The following PTAR1 variants were observed in gnomAD, a reference collection of about 807,000 sequenced individuals.
PTAR1 encodes protein prenyltransferase alpha subunit repeat-containing protein 1.
A neutral mutation model predicts 45.5 loss-of-function variants in PTAR1; 17 were observed. The ratio of observed to expected loss-of-function variants is 0.37; its 90% confidence interval spans 0.26 to 0.56. The LOEUF is 0.56. Among genes scored for constraint, PTAR1 ranks in the 20% least tolerant of loss-of-function variants. The pLI, the probability that PTAR1 is intolerant of heterozygous loss-of-function variation, is 0.77. For missense variants in PTAR1, 391 were observed against 476.3 expected (o/e 0.82, Z 1.67); for synonymous variants, 169 against 171.3 (o/e 0.99, Z 0.11).
At chr9:69,741,998 C>T (rs1826064316) in intron 2 of PTAR1, 140 bp from the exon 3 acceptor site, 1 of 607,990 alleles carries the variant, frequency 1.6e-6, no homozygotes, top group South Asian at 2.1e-5. Context: ...ATGATAAATT[C>T]CCTCTTCTAA....
intron 3 of PTAR1, among the ~76,000 whole-genome samples, chr9:69,736,308 C>T (rs537370224): frequency 1.3e-5 from 2 of 152,102 alleles, no homozygotes; most frequent in African/African-American, 4.8e-5. Context: ...CCTGTAATCC[C>T]AGCACTTTGG....
chr9:69,753,438 C>T (rs1474890780), intron 1 of PTAR1, among the ~76,000 whole-genome samples: 1 of 152,122 alleles, frequency 6.6e-6, no homozygotes, highest in African/African-American at 2.4e-5. Flanking sequence ...AGAACATTAT[C>T]TCTGATTTTC....
intron 2 of PTAR1, among the ~76,000 whole-genome samples, chr9:69,747,365 C>T (rs1236585812): frequency 6.6e-6 from 1 of 152,184 alleles, no homozygotes; most frequent in East Asian, 1.9e-4. Context: ...CGTGCATGTG[C>T]TGGCAACCAC....
rs536778254 is a variant in PTAR1, at chr9:69,734,247, G to A, written c.331C>T (p.Leu111=). The change falls in exon 4 of 8, where the codon CTG becomes TTG. Residue 111 remains leucine (L), a synonymous_variant. Transcript: ENST00000340434. ...FTTAWNVRKE[L]ILSGTLNPIK... ...GGATTTAAAGTGCCAGAGAGGATCA[G>A]CTCTTTCCTGTAAAAAAAAAAAAAA... 1.4e-4 allele frequency: 73 copies of A among 524,034 alleles called. 1 individual carries two copies. Among genetic ancestry groups the A allele is most frequent in the South Asian group, 1.2e-3 (63 of 51,382 alleles). The allele number at this position is 524,034 out of a possible 1,614,324, so 32.5% of individuals were successfully genotyped here.
At chr9:69,735,014 C>T (rs891772548) in intron 3 of PTAR1, among the ~76,000 whole-genome samples, 7 of 152,128 alleles carry the variant, frequency 4.6e-5, no homozygotes, top group African/African-American at 1.7e-4. Flanking sequence ...GCAGGGGAAG[C>T]TTTGTGCTTA....
In PTAR1 at chr9:69,715,666, A is replaced by G. The variant is rs1824701560; in HGVS notation, c.*2676T>C. 1.3e-5 allele frequency: 2 copies of G among 152,160 alleles called. No individual in the cohort carries two copies. The highest frequency in any genetic ancestry group is 1.3e-4 in the Admixed American group (2 of 15,258). The allele number at this position is 152,160 out of a possible 1,614,324, so 9.4% of individuals were successfully genotyped here. The stretch of plus-strand genomic sequence containing the variant: ...TGTTATAGAAAAATAAGTGAAGACT[A>G]AAAGTCCCAGAAAACAGACACATCC... On this transcript the variant is annotated 3_prime_UTR_variant, in exon 8 of 8. Transcript: ENST00000340434.
chr9:69,747,490 A>G (rs1225016821), intron 2 of PTAR1, among the ~76,000 whole-genome samples: 7 of 152,218 alleles, frequency 4.6e-5, no homozygotes, highest in Non-Finnish European at 1.0e-4. Flanking sequence ...TGTAATGAAC[A>G]TATGTATCAA....
At position 69,717,941 on chromosome 9, in the gene PTAR1, T is replaced by G. The variant is rs1824794938; in HGVS notation, c.*401A>C. On this transcript the variant is annotated 3_prime_UTR_variant, in exon 8 of 8. Coordinates refer to ENST00000340434, the MANE Select transcript of PTAR1 (RefSeq NM_001099666.2). ...GTGGCCCAGGTTGGTCTCAAAGTCCTGGGCTCAGGCAATCCTCCTGCCTAG... is the reference window on the plus strand; with the variant it reads ...GTGGCCCAGGTTGGTCTCAAAGTCCGGGGCTCAGGCAATCCTCCTGCCTAG... The G allele has an allele frequency of 6.4e-6, 1 of 156,652 alleles. No individual in the cohort carries two copies. The highest frequency in any genetic ancestry group is 1.4e-5 in the Non-Finnish European group (1 of 71,078). The allele number at this position is 156,652 out of a possible 1,614,324, so 9.7% of individuals were successfully genotyped here.
chr9:69,756,113 G>T (rs1471331175), intron 1 of PTAR1, among the ~76,000 whole-genome samples: 1 of 152,068 alleles, frequency 6.6e-6, no homozygotes, highest in Non-Finnish European at 1.5e-5. Flanking sequence ...GGTATAAGAA[G>T]CCCAGTAGAC....
At position 69,742,257 on chromosome 9, in the gene PTAR1, AT is replaced by A. The variant is rs148024561; in HGVS notation, c.257-400del. ...TGTGCGAATTTTCAAAAGGAAAAAA[AT>A]ATCACTCAGAATCCAACCCACTTAA... On this transcript the variant is annotated intron_variant, in intron 2 of 7. Coordinates refer to ENST00000340434, the MANE Select transcript of PTAR1 (RefSeq NM_001099666.2). 3.8e-3 allele frequency among the ~76,000 whole-genome samples: 574 copies of A among 152,244 alleles called. 3 individuals are homozygous for A. The highest frequency in any genetic ancestry group is 0.013 in the African/African-American group (547 of 41,562).
rs942890623 is a variant in PTAR1 at position 69,723,362 on chromosome 9, T to A, written c.911A>T (p.Asp304Val). ...EEVEFSTDLI[D>V]SYPGHETLWC... ...AAGGGTTTCATGTCCTGGGTAGGAATCAATAAGATCAGTGCTGAATTCAAC... is the reference window on the plus strand; with the variant it reads ...AAGGGTTTCATGTCCTGGGTAGGAAACAATAAGATCAGTGCTGAATTCAAC... The change falls in exon 6 of 8, where the codon GAT (aspartate) becomes GTT (valine). Residue 304 changes from aspartate to valine, a missense_variant. By Grantham distance (152) the Asp-to-Val change is radical. Transcript: ENST00000340434. The A allele has an allele frequency of 3.7e-5, 59 of 1,613,762 alleles. No homozygotes were observed. The highest frequency in any genetic ancestry group is 4.7e-5 in the Non-Finnish European group (56 of 1,179,814).
Position 69,711,234 on chromosome 9 carries a change from T to C in PTAR1, c.*7108A>G, listed in dbSNP as rs1422606416. On this transcript the variant is annotated 3_prime_UTR_variant, in exon 8 of 8. Transcript: ENST00000340434. Reference sequence around the variant, plus strand: ...ATATGCCAAAGTACAATACTGACAGTGGTCACCTCAGTCAGCAGCCAGCAT... The same window carrying C: ...ATATGCCAAAGTACAATACTGACAGCGGTCACCTCAGTCAGCAGCCAGCAT... 1 of 152,194 alleles carries C rather than the reference T, an allele frequency of 6.6e-6. No homozygotes were observed. Among genetic ancestry groups the C allele is most frequent in the African/African-American group, 2.4e-5 (1 of 41,448 alleles). 9.4% of individuals were successfully genotyped at this position (152,194 alleles called of 1,614,324 possible). A position where few individuals can be genotyped will look rare whatever the true frequency, so the allele number is the denominator to read the frequency against.
intron 1 of PTAR1, among the ~76,000 whole-genome samples, chr9:69,755,935 A>G (rs962213287): frequency 2.0e-5 from 3 of 152,172 alleles, no homozygotes; most frequent in African/African-American, 7.2e-5. Context: ...ATAATCTCAT[A>G]AAGTAGGAAT....
intron 5 of PTAR1, among the ~76,000 whole-genome samples, chr9:69,731,737 C>G (rs1825547537): frequency 6.6e-6 from 1 of 151,220 alleles, no homozygotes; most frequent in Non-Finnish European, 1.5e-5. Context: ...GCCCTCCTCT[C>G]CCCCTTTTCA....
At chr9:69,729,230 G>C (rs1047224775) in intron 5 of PTAR1, among the ~76,000 whole-genome samples, 1 of 152,264 alleles carries the variant, frequency 6.6e-6, no homozygotes, top group Admixed American at 6.5e-5. Context: ...TGAGGCAGGA[G>C]AATCGCTTGA....
intron 2 of PTAR1, among the ~76,000 whole-genome samples, chr9:69,742,233 G>A (rs1826073806): frequency 6.6e-6 from 1 of 152,058 alleles, no homozygotes; most frequent in South Asian, 2.1e-4. Context: ...TTGACGGTGT[G>A]TGCGAATTTT....
chr9:69,732,316 G>A lies in PTAR1; in HGVS notation c.465C>T (p.Ser155=). 8 of 1,613,884 alleles carry A rather than the reference G, an allele frequency of 5.0e-6. No individual in the cohort carries two copies. Among genetic ancestry groups the A allele is most frequent in the Non-Finnish European group, 6.8e-6 (8 of 1,179,770 alleles). The change falls in exon 5 of 8, where the codon TCC becomes TCT. Residue 155 remains serine, a synonymous_variant. Coordinates refer to ENST00000340434, the MANE Select transcript of PTAR1 (RefSeq NM_001099666.2). The part of the protein sequence containing the change: ...WVLQQLIQET[S]LPSFVTKGNL... ...TTCCTTTGGTCACAAAGGAAGGCAA[G>A]GAGGTTTCCTGAATTAGCTGTTGTA...
In PTAR1 at chr9:69,728,106, G is replaced by A. The variant is rs564631801; in HGVS notation, c.642+4033C>T. ...CAGCATGTTTTCAAGGTTCATCCAC[G>A]TTATAGCATGTATCAGTATTTCCTT... On this transcript the variant is annotated intron_variant, in intron 5 of 7. Coordinates refer to ENST00000340434, the MANE Select transcript of PTAR1 (RefSeq NM_001099666.2). 1.0e-3 allele frequency among the ~76,000 whole-genome samples: 159 copies of A among 152,220 alleles called. 1 individual carries two copies. Among genetic ancestry groups the A allele is most frequent in the Non-Finnish European group, 7.1e-4 (48 of 68,006 alleles).
intron 1 of PTAR1, among the ~76,000 whole-genome samples, chr9:69,755,084 T>C (rs1826712779): frequency 6.6e-6 from 1 of 152,154 alleles, no homozygotes. Context: ...TTTCACTCTT[T>C]TACACTGTTA....
Sources: gnomAD v4.1 joint callset for allele counts (sites outside exome capture counted in the v4.1 genomes callset) on GRCh38, gnomAD v4.1.1 for gene constraint, MANE v1.5 for transcripts, NCBI Gene and HGNC (gene_info 2026-07-23, HGNC 2026-07-21) for gene names.